EXOC6: variants seen among roughly 807,000 people sequenced by gnomAD.
EXOC6 encodes the protein SEC15-like 1.
EXOC6 carries 60 observed loss-of-function variants against 112.5 expected under a neutral mutation model. The observed-to-expected ratio is 0.53, with a 90% CI of 0.43 to 0.66. The LOEUF is 0.66. Ranked by LOEUF, EXOC6 falls within the 30% of genes least tolerant of loss-of-function variation. EXOC6 has a pLI of 0.00. For missense variants in EXOC6, 855 were observed against 957.1 expected (o/e 0.89, Z 1.41); for synonymous variants, 295 against 308.0 (o/e 0.96, Z 0.44).
Position 93,058,439 on chromosome 10 carries a change from TG to T in EXOC6, c.*85del. 1 of 1,231,336 alleles carries T rather than the reference TG, an allele frequency of 8.1e-7. No individual in the cohort carries two copies. Among genetic ancestry groups the T allele is most frequent in the Non-Finnish European group, 1.1e-6 (1 of 920,668 alleles). 76.3% of individuals were successfully genotyped at this position (1,231,336 alleles called of 1,614,324 possible). ...AAGTATTGGTCATGATACAGTAATTTGTTTACAGAATCCAAAAATACAATAG... is the reference window on the plus strand; with the variant it reads ...AAGTATTGGTCATGATACAGTAATTTTTTACAGAATCCAAAAATACAATAG... On this transcript the variant is annotated 3_prime_UTR_variant, in exon 22 of 22. Coordinates refer to ENST00000260762, the MANE Select transcript of EXOC6 (RefSeq NM_019053.6).
intron 8 of EXOC6, among the ~76,000 whole-genome samples, chr10:92,927,169 A>C (rs1239345047): frequency 6.6e-6 from 1 of 152,128 alleles, no homozygotes; most frequent in Admixed American, 6.5e-5. Context: ...ACTTTTTTTC[A>C]GTGAAAATGT....
In EXOC6 at chr10:92,894,798, A is replaced by C. The variant is rs377523417; in HGVS notation, c.278A>C (p.Gln93Pro). 2 of 1,613,266 alleles carry C rather than the reference A, an allele frequency of 1.2e-6. No homozygotes were observed. Among genetic ancestry groups the C allele is most frequent in the Non-Finnish European group, 8.5e-7 (1 of 1,179,610 alleles). ...AGGTGAAATTAAATTTTTAAGGTGCAAGTTACTGATACCAACCGAAGGTTT... is the reference window on the plus strand; with the variant it reads ...AGGTGAAATTAAATTTTTAAGGTGCCAGTTACTGATACCAACCGAAGGTTT... ...VRTDAEKLKV[Q>P]VTDTNRRFQD... The change falls in exon 3 of 22, where the codon CAA becomes CCA. Residue 93 changes from glutamine (Q) to proline (P), a missense_variant. This residue lies in a region of EXOC6 where 405 missense variants were observed against 393.6 expected (regional missense o/e 1.03). Transcript: ENST00000260762.
At chr10:92,890,113 C>A (rs1417828346) in intron 1 of EXOC6, among the ~76,000 whole-genome samples, 1 of 152,016 alleles carries the variant, frequency 6.6e-6, no homozygotes, top group East Asian at 1.9e-4. Flanking sequence ...TGGAATAGTT[C>A]TTTATTTATT....
intron 1 of EXOC6, among the ~76,000 whole-genome samples, chr10:92,841,479 G>A (rs1164012175): frequency 1.3e-5 from 2 of 152,078 alleles, no homozygotes. Flanking sequence ...ATAGTATAGC[G>A]TTCTACATAA....
intron 1 of EXOC6, 28 bp from the exon 2 acceptor site, chr10:92,893,321 T>A (rs781202291): frequency 6.6e-7 from 1 of 1,516,936 alleles, no homozygotes; most frequent in Non-Finnish European, 8.9e-7. Context: ...ACATTTTGGT[T>A]AATTTTAGCT....
intron 20 of EXOC6, among the ~76,000 whole-genome samples, chr10:93,044,257 A>G (rs1247397056): frequency 6.6e-6 from 1 of 152,230 alleles, no homozygotes; most frequent in African/African-American, 2.4e-5. Flanking sequence ...TACATATACA[A>G]TCAGGTCTGG....
intron 5 of EXOC6, 72 bp from the exon 6 acceptor site, chr10:92,909,355 T>C: frequency 9.0e-7 from 1 of 1,106,820 alleles, no homozygotes; most frequent in Middle Eastern, 2.0e-4. Context: ...GTAAAACTGA[T>C]TATTTAGATT....
intron 1 of EXOC6, among the ~76,000 whole-genome samples, chr10:92,859,821 A>G (rs74149161): frequency 0.026 from 3,671 of 141,702 alleles, 165 homozygotes; most frequent in East Asian, 0.1. Context: ...GTTTGTGTGC[A>G]TGTGTGTGTG....
At chr10:92,975,577 C>T (rs1402429143) in intron 18 of EXOC6, among the ~76,000 whole-genome samples, 1 of 145,084 alleles carries the variant, frequency 6.9e-6, no homozygotes, top group African/African-American at 2.6e-5. Context: ...GGGGGATCAG[C>T]CCCCTGCCCG....
upstream of EXOC6, chr10:92,834,648 A>T (rs1846603366): frequency 7.8e-6 from 8 of 1,030,616 alleles, no homozygotes; most frequent in Non-Finnish European, 1.1e-5. Flanking sequence ...AATAATTATA[A>T]GGAAAACGGT....
intron 12 of EXOC6, among the ~76,000 whole-genome samples, chr10:92,936,117 T>G (rs1478175314): frequency 1.3e-5 from 2 of 152,130 alleles, no homozygotes; most frequent in African/African-American, 4.8e-5. Context: ...TATTGATCAT[T>G]CAGTTAGAAT....
chr10:92,837,724 G>T (rs753990126), intron 1 of EXOC6, among the ~76,000 whole-genome samples: 29 of 152,164 alleles, frequency 1.9e-4, no homozygotes, highest in Admixed American at 3.9e-4. Flanking sequence ...TGAGAGGGTG[G>T]AAAAGGAGTT....
intron 20 of EXOC6, among the ~76,000 whole-genome samples, chr10:93,016,649 TG>T (rs879554407): frequency 6.6e-6 from 1 of 152,190 alleles, no homozygotes; most frequent in Non-Finnish European, 1.5e-5. Context: ...GTATTTAACT[TG>T]CTTTGAATTA....
At chr10:92,894,141 A>G (rs1200709508) in intron 2 of EXOC6, among the ~76,000 whole-genome samples, 1 of 152,188 alleles carries the variant, frequency 6.6e-6, no homozygotes, top group African/African-American at 2.4e-5. Flanking sequence ...TTAGAAAACC[A>G]TTGTATAAAG....
chr10:92,997,357 T>C (rs1843539468), intron 18 of EXOC6, 117 bp from the exon 19 acceptor site: 1 of 903,674 alleles, frequency 1.1e-6, no homozygotes, highest in Non-Finnish European at 1.6e-6. Flanking sequence ...AAGTAACCAC[T>C]ATTGTACCAA....
chr10:92,927,479 G>T (rs1159577068), intron 8 of EXOC6, among the ~76,000 whole-genome samples: 1 of 152,202 alleles, frequency 6.6e-6, no homozygotes. Context: ...GATCTCTGTT[G>T]TTGGATAATG....
chr10:92,888,175 T>C (rs1031066812), intron 1 of EXOC6, among the ~76,000 whole-genome samples: 2 of 152,166 alleles, frequency 1.3e-5, no homozygotes, highest in African/African-American at 4.8e-5. Context: ...GGAATGTAAA[T>C]AGTTTACCCC....
chr10:92,937,143 G>T (rs891276353), intron 12 of EXOC6, among the ~76,000 whole-genome samples: 25 of 152,252 alleles, frequency 1.6e-4, no homozygotes, highest in African/African-American at 6.0e-4. Context: ...AGAATTGATT[G>T]CATTTTCTTT....
At chr10:92,944,224 CT>C (rs34140811) in intron 13 of EXOC6, among the ~76,000 whole-genome samples, 58,699 of 150,420 alleles carry the variant, frequency 0.39, 11,674 homozygotes, top group Middle Eastern at 0.5. Flanking sequence ...AGATACCGAT[CT>C]TTTTTTTTTA....
Sources: allele counts gnomAD v4.1 joint callset (sites outside exome capture counted in the v4.1 genomes callset), GRCh38; gene constraint gnomAD v4.1.1; regional missense constraint gnomAD v4.1.1; transcripts MANE v1.5; gene names NCBI Gene and HGNC (gene_info 2026-07-23, HGNC 2026-07-21).